Variants in IL23R observed in about 807,000 individuals in gnomAD.
IL23R encodes interleukin-23 receptor.
IL23R carries 34 observed loss-of-function variants against 56.9 expected under a neutral mutation model. The ratio of observed to expected loss-of-function variants is 0.60; its 90% CI spans 0.45 to 0.80. The LOEUF is 0.80. IL23R is among the 30% of genes least tolerant of loss of function. The pLI, the probability that IL23R is intolerant of heterozygous loss-of-function variation, is 0.00. For missense variants in IL23R, 635 were observed against 730.0 expected (o/e 0.87, Z 1.50); for synonymous variants, 230 against 249.2 (o/e 0.92, Z 0.73).
At chr1:67,236,292 A>T (rs1651468837) in intron 7 of IL23R, among the ~76,000 whole-genome samples, 1 of 152,262 alleles carries the variant, frequency 6.6e-6, no homozygotes, top group South Asian at 2.1e-4. Flanking sequence ...AGATTGTGCA[A>T]AGGCAAAAGT....
intron 4 of IL23R, among the ~76,000 whole-genome samples, chr1:67,185,749 G>A (rs562596859): frequency 1.3e-5 from 2 of 152,266 alleles, no homozygotes; most frequent in South Asian, 4.2e-4. Flanking sequence ...ACATGCCATT[G>A]GCAAGAGGCG....
intron 1 of IL23R, among the ~76,000 whole-genome samples, chr1:67,159,327 C>T (rs867788990): frequency 6.6e-6 from 1 of 152,024 alleles, no homozygotes; most frequent in African/African-American, 2.4e-5. Flanking sequence ...GTGGCACTTT[C>T]CCCTGCTCGC....
intron 1 of IL23R, among the ~76,000 whole-genome samples, chr1:67,147,453 C>T (rs1028536204): frequency 6.6e-6 from 1 of 152,088 alleles, no homozygotes; most frequent in African/African-American, 2.4e-5. Flanking sequence ...AATCCCAGCA[C>T]TTTGGGAGGC....
chr1:67,200,236 G>A (rs1225693756), intron 4 of IL23R, among the ~76,000 whole-genome samples: 1 of 151,872 alleles, frequency 6.6e-6, no homozygotes, highest in Non-Finnish European at 1.5e-5. Context: ...TAGAGACAGG[G>A]TTTCACCATG....
intron 7 of IL23R, among the ~76,000 whole-genome samples, chr1:67,233,715 T>G (rs1651260602): frequency 6.6e-6 from 1 of 152,184 alleles, no homozygotes; most frequent in Admixed American, 6.5e-5. Flanking sequence ...AAATTAAAGA[T>G]AATTTGGATT....
upstream of IL23R, among the ~76,000 whole-genome samples, chr1:67,164,448 C>T (rs1646851741): frequency 6.6e-6 from 1 of 152,102 alleles, no homozygotes; most frequent in Admixed American, 6.5e-5. Context: ...GCCTGACCAA[C>T]ATGGTGAAAC....
chr1:67,148,984 G>A (rs1327980857), intron 1 of IL23R, among the ~76,000 whole-genome samples: 1 of 152,156 alleles, frequency 6.6e-6, no homozygotes, highest in Non-Finnish European at 1.5e-5. Context: ...CTAGCCAACC[G>A]TCAGATCCGT....
At chr1:67,215,852 C>A (rs1160585039) in intron 6 of IL23R, among the ~76,000 whole-genome samples, 10 of 152,226 alleles carry the variant, frequency 6.6e-5, no homozygotes, top group Non-Finnish European at 1.5e-5. Context: ...TGTTAGTCTT[C>A]TATCAATATT....
At chr1:67,172,514 AC>A (rs1274330516) in intron 3 of IL23R, among the ~76,000 whole-genome samples, 2 of 152,240 alleles carry the variant, frequency 1.3e-5, no homozygotes, top group Non-Finnish European at 2.9e-5. Context: ...CTAAATGCAC[AC>A]ATATTATGGG....
At chr1:67,204,284 C>T (rs925664873) in intron 5 of IL23R, among the ~76,000 whole-genome samples, 2 of 152,096 alleles carry the variant, frequency 1.3e-5, no homozygotes, top group African/African-American at 4.8e-5. Flanking sequence ...AGGATGGTCT[C>T]GATCTCCTGA....
intron 9 of IL23R, among the ~76,000 whole-genome samples, chr1:67,252,017 GT>G (rs774659252): frequency 1.9e-4 from 28 of 150,960 alleles, no homozygotes; most frequent in African/African-American, 4.6e-4. Context: ...ACCTCATCCA[GT>G]TTTTTTTTAA....
At chr1:67,150,271 T>TTTA (rs57497671) in intron 1 of IL23R, among the ~76,000 whole-genome samples, 1 of 123,036 alleles carries the variant, frequency 8.1e-6, no homozygotes, top group Non-Finnish European at 1.8e-5. Context: ...TTTTTTTTTT[T>TTTA]ACTTTAAGTT....
chr1:67,145,374 C>T (rs950247145), intron 1 of IL23R, among the ~76,000 whole-genome samples: 5 of 152,114 alleles, frequency 3.3e-5, no homozygotes, highest in African/African-American at 1.2e-4. Flanking sequence ...TATTGAATGT[C>T]TACCATACCC....
chr1:67,148,380 C>G (rs545921384), intron 1 of IL23R, among the ~76,000 whole-genome samples: 3 of 152,376 alleles, frequency 2.0e-5, no homozygotes, highest in African/African-American at 4.8e-5. Context: ...CCTGCCCGCT[C>G]GAATTCCTGG....
At chr1:67,235,819 C>A (rs1651436025) in intron 7 of IL23R, among the ~76,000 whole-genome samples, 1 of 152,156 alleles carries the variant, frequency 6.6e-6, no homozygotes, top group African/African-American at 2.4e-5. Context: ...ATATCTCAGC[C>A]TCAAGTTGTG....
chr1:67,229,700 A>G (rs72929019), intron 7 of IL23R, among the ~76,000 whole-genome samples: 28,459 of 152,126 alleles, frequency 0.19, 3,036 homozygotes, highest in Admixed American at 0.33. Context: ...CACTTTGGGC[A>G]TTCTAAGGAT....
chr1:67,182,060 G>C (rs1439372900), intron 3 of IL23R, among the ~76,000 whole-genome samples: 2 of 152,202 alleles, frequency 1.3e-5, no homozygotes, highest in Non-Finnish European at 2.9e-5. Flanking sequence ...GTGCCTCCCA[G>C]TTAGGCTACT....
chr1:67,259,061 T>C lies in IL23R; in HGVS notation c.1823T>C (p.Ile608Thr), dbSNP rs752735535. The change falls in exon 11 of 11, where the codon ATT becomes ACT. Residue 608 changes from isoleucine to threonine, a missense_variant. Coordinates refer to ENST00000347310, the MANE Select transcript of IL23R (RefSeq NM_144701.3). Reference sequence around the variant, plus strand: ...ATCGTGAATGAGGAGTTGCCATCTATTAATACTTATTTTCCACAAAATATT... The same window carrying C: ...ATCGTGAATGAGGAGTTGCCATCTACTAATACTTATTTTCCACAAAATATT... ...LGIVNEELPS[I>T]NTYFPQNILE... 2.5e-6 allele frequency: 4 copies of C among 1,613,860 alleles called. No individual in the cohort carries two copies. Among genetic ancestry groups the C allele is most frequent in the African/African-American group, 1.3e-5 (1 of 74,898 alleles).
intron 1 of IL23R, among the ~76,000 whole-genome samples, chr1:67,145,993 T>G (rs1020396958): frequency 2.6e-5 from 4 of 152,184 alleles, no homozygotes; most frequent in African/African-American, 9.7e-5. Context: ...CAATATGCTG[T>G]GAGTAGCCCA....
Sources: allele counts gnomAD v4.1 joint callset (sites outside exome capture counted in the v4.1 genomes callset), GRCh38; gene constraint gnomAD v4.1.1; transcripts MANE v1.5; gene names NCBI Gene and HGNC (gene_info 2026-07-23, HGNC 2026-07-21).